MOV10L1: variants seen among roughly 807,000 people sequenced by gnomAD.
MOV10L1 encodes the protein RNA helicase Mov10l1.
In MOV10L1, 110 loss-of-function variants were observed where a neutral mutation model predicts 143.8. That is an observed-to-expected ratio of 0.76 (90% CI 0.66 to 0.90). The LOEUF (loss-of-function observed/expected upper bound fraction) is 0.90. MOV10L1 is among the 40% of genes least tolerant of loss of function. The pLI, the probability that MOV10L1 is intolerant of heterozygous loss-of-function variation, is 0.00. For synonymous variants in MOV10L1, 593 were observed against 581.1 expected, an observed-to-expected ratio of 1.02 and a Z score of -0.29; for missense variants, 1,406 against 1,526.8, an observed-to-expected ratio of 0.92 and a Z score of 1.32.
At chr22:50,106,243 G>T (rs975160069) in intron 3 of MOV10L1, among the ~76,000 whole-genome samples, 1 of 151,254 alleles carries the variant, frequency 6.6e-6, no homozygotes, top group Non-Finnish European at 1.5e-5. Context: ...CTGCAGCCTG[G>T]AATTCCTGGG....
At chr22:50,161,317 C>A in intron 26 of MOV10L1, 51 bp from the exon 27 acceptor site, 1 of 1,416,692 alleles carries the variant, frequency 7.1e-7, no homozygotes, top group Non-Finnish European at 9.6e-7. Flanking sequence ...CAGCTCCCAG[C>A]CCGCTGTGGG....
At chr22:50,129,917 T>C (rs2062623079) in intron 13 of MOV10L1, among the ~76,000 whole-genome samples, 1 of 152,232 alleles carries the variant, frequency 6.6e-6, no homozygotes, top group African/African-American at 2.4e-5. Context: ...GAGTCCTTTC[T>C]GTATTCCTTA....
intron 15 of MOV10L1, among the ~76,000 whole-genome samples, chr22:50,140,834 C>T (rs1192256754): frequency 2.0e-5 from 3 of 152,038 alleles, no homozygotes; most frequent in East Asian, 1.9e-4. Context: ...GCAGTCCTTC[C>T]ACCTCAGCCT....
chr22:50,113,204 T>C (rs1182071519), intron 5 of MOV10L1, among the ~76,000 whole-genome samples: 2 of 152,214 alleles, frequency 1.3e-5, no homozygotes, highest in African/African-American at 4.8e-5. Flanking sequence ...GAAAAACTTC[T>C]CATTTCATTG....
intron 22 of MOV10L1, among the ~76,000 whole-genome samples, chr22:50,157,306 T>A (rs2063451419): frequency 6.6e-6 from 1 of 152,218 alleles, no homozygotes. Flanking sequence ...CGTTGTTGAT[T>A]GCGTCCGTTG....
chr22:50,101,817 C>T (rs2061752561), intron 3 of MOV10L1, among the ~76,000 whole-genome samples: 1 of 152,078 alleles, frequency 6.6e-6, no homozygotes, highest in Non-Finnish European at 1.5e-5. Context: ...CAGCCTTGAC[C>T]TTGGTTGTTA....
intron 2 of MOV10L1, chr22:50,095,923 A>G (rs1413041323): frequency 3.3e-5 from 5 of 152,200 alleles, no homozygotes; most frequent in East Asian, 1.9e-4. Flanking sequence ...TCCCTTTGCT[A>G]TTAATATGGT....
At chr22:50,148,831 T>A (rs942655786) in intron 19 of MOV10L1, among the ~76,000 whole-genome samples, 1 of 152,038 alleles carries the variant, frequency 6.6e-6, no homozygotes, top group African/African-American at 2.4e-5. Flanking sequence ...ACCCGGCTAA[T>A]TTTTTTGTAT....
At chr22:50,139,054 AC>A in intron 15 of MOV10L1, among the ~76,000 whole-genome samples, 1 of 152,040 alleles carries the variant, frequency 6.6e-6, no homozygotes, top group South Asian at 2.1e-4. Context: ...CATTAGGGAT[AC>A]ATCTGACAAA....
intron 15 of MOV10L1, among the ~76,000 whole-genome samples, chr22:50,135,129 TCA>T (rs750559842): frequency 2.0e-5 from 3 of 151,984 alleles, no homozygotes; most frequent in Non-Finnish European, 4.4e-5. Context: ...TTCTCCTGTC[TCA>T]GTCTCCAGAG....
intron 19 of MOV10L1, among the ~76,000 whole-genome samples, chr22:50,149,174 C>T (rs1352138916): frequency 5.9e-5 from 9 of 152,236 alleles, no homozygotes; most frequent in Admixed American, 5.2e-4. Flanking sequence ...CAGCTGCTCT[C>T]ACCTCAGCCA....
chr22:50,126,776 C>A (rs2062519470), intron 12 of MOV10L1, among the ~76,000 whole-genome samples: 1 of 152,146 alleles, frequency 6.6e-6, no homozygotes, highest in South Asian at 2.1e-4. Flanking sequence ...TCTATCTGTG[C>A]ATCAGAGAAG....
chr22:50,119,786 G>A (rs1331428112), intron 9 of MOV10L1, among the ~76,000 whole-genome samples: 1 of 151,670 alleles, frequency 6.6e-6, no homozygotes, highest in African/African-American at 2.4e-5. Context: ...GGAATACGGA[G>A]AGCAATGTGG....
In MOV10L1 at chr22:50,134,073, T is replaced by G. The variant is rs2062753747; in HGVS notation, c.1969+8T>G. On this transcript the variant is annotated splice_region_variant and intron_variant, in intron 14 of 26. Coordinates refer to ENST00000262794, the MANE Select transcript of MOV10L1 (RefSeq NM_018995.3). ...TCCACTTAGGTGTAAAAGGTATTAC[T>G]TTTATAGAATGATAGTGTTACATCT... is the stretch of plus-strand genomic sequence containing the variant. The G allele has an allele frequency of 6.2e-7, 1 of 1,601,144 alleles. No homozygotes were observed. The highest frequency in any genetic ancestry group is 1.3e-5 in the African/African-American group (1 of 74,558).
Position 50,090,157 on chromosome 22 carries a change from C to T in MOV10L1, c.69C>T (p.Ala23=). ...WRTADTPREE[A]GQLEPELAEG... is the part of the protein sequence containing the mutation. The stretch of plus-strand genomic sequence containing the variant: ...CGGCGGACACCCCTAGGGAGGAAGC[C>T]GGGCAGCTGGAGCCCGAGCTCGCGG... Residue 23 remains alanine (A), a synonymous_variant, in exon 1 of 27, where the codon GCC becomes GCT. Transcript: ENST00000262794. 7.0e-7 allele frequency: 1 copy of T among 1,421,922 alleles called. No individual in the cohort carries two copies. The highest frequency in any genetic ancestry group is 1.6e-5 in the South Asian group (1 of 63,424). The allele number at this position is 1,421,922 out of a possible 1,614,324, so 88.1% of individuals were successfully genotyped here.
chr22:50,117,612 C>T (rs796559083), intron 9 of MOV10L1, among the ~76,000 whole-genome samples: 20 of 152,306 alleles, frequency 1.3e-4, no homozygotes, highest in African/African-American at 4.6e-4. Context: ...CCCCAAGCCC[C>T]ACTCTGCTCT....
chr22:50,132,950 T>C (rs13056274), intron 13 of MOV10L1, among the ~76,000 whole-genome samples: 32,501 of 151,758 alleles, frequency 0.21, 3,853 homozygotes, highest in Admixed American at 0.35. Context: ...GCAGGAGAAT[T>C]GCTTGAACCC....
chr22:50,099,884 C>T (rs1313494036), intron 3 of MOV10L1, among the ~76,000 whole-genome samples: 3 of 152,112 alleles, frequency 2.0e-5, no homozygotes, highest in East Asian at 1.9e-4. Flanking sequence ...GAGAGGGTTT[C>T]GGGATTAGAG....
intron 15 of MOV10L1, among the ~76,000 whole-genome samples, chr22:50,137,254 A>T (rs2062845224): frequency 6.6e-6 from 1 of 152,186 alleles, no homozygotes; most frequent in Non-Finnish European, 1.5e-5. Flanking sequence ...AACAGTTATA[A>T]ATATGTTCCA....
Sources: gnomAD v4.1 joint callset for allele counts (sites outside exome capture counted in the v4.1 genomes callset) on GRCh38, gnomAD v4.1.1 for gene constraint, MANE v1.5 for transcripts, NCBI Gene and HGNC (gene_info 2026-07-23, HGNC 2026-07-21) for gene names.